SUPV3L1: variants seen among roughly 807,000 people sequenced by gnomAD.
SUPV3L1 encodes ATP-dependent RNA helicase SUPV3L1, mitochondrial.
A neutral mutation model predicts 70.0 loss-of-function variants in SUPV3L1; 35 were observed. The ratio of observed to expected loss-of-function variants is 0.50; its 90% confidence interval spans 0.38 to 0.66. The LOEUF is 0.66. Among genes scored for constraint, SUPV3L1 ranks in the 30% least tolerant of loss-of-function variants. SUPV3L1 has a pLI of 0.00. For missense variants in SUPV3L1, 777 were observed against 961.5 expected (o/e 0.81, Z 2.54); for synonymous variants, 364 against 341.9 (o/e 1.06, Z -0.71).
chr10:69,191,695 C>G lies in SUPV3L1; in HGVS notation c.782C>G (p.Thr261Arg), dbSNP rs766447332. 1 of 1,614,056 alleles carries G rather than the reference C, an allele frequency of 6.2e-7. No homozygotes were observed. Among genetic ancestry groups the G allele is most frequent in the Non-Finnish European group, 8.5e-7 (1 of 1,180,012 alleles). ...TTGGTGACAGGTGAAGAGCGTGTGACAGTTCAGCCAAATGGGAAACAGGCT... is the reference window on the plus strand; with the variant it reads ...TTGGTGACAGGTGAAGAGCGTGTGAGAGTTCAGCCAAATGGGAAACAGGCT... ...CDLVTGEERV[T>R]VQPNGKQASH... The change falls in exon 6 of 15, where the codon ACA becomes AGA. Residue 261 changes from threonine (T) to arginine (R), a missense_variant. Thr to Arg is a moderately conservative substitution (Grantham distance 71). Around this residue, in one of 2 missense-constraint regions of SUPV3L1, gnomAD observed 619 missense variants for 823.3 expected, o/e 0.75. Transcript: ENST00000359655.
intron 5 of SUPV3L1, 51 bp from the exon 6 acceptor site, chr10:69,191,604 C>T (rs899203414): frequency 5.3e-6 from 8 of 1,498,866 alleles, no homozygotes; most frequent in African/African-American, 4.1e-5. Flanking sequence ...ATATCCAAAA[C>T]GTATTTTTGC....
intron 3 of SUPV3L1, 95 bp downstream of exon 3, chr10:69,186,645 T>C (rs1402570260): frequency 1.4e-5 from 15 of 1,046,052 alleles, no homozygotes. Flanking sequence ...TTATTTGGTT[T>C]AGAGTGGGTC....
intron 6 of SUPV3L1, chr10:69,192,751 G>A (rs1269646328): frequency 2.0e-5 from 3 of 152,244 alleles, no homozygotes; most frequent in Non-Finnish European, 2.9e-5. Context: ...TGTCACCCAG[G>A]CTGAAGTGCA....
At chr10:69,182,427 C>G (rs544558918) in intron 1 of SUPV3L1, 1 of 759,984 alleles carries the variant, frequency 1.3e-6, no homozygotes, top group East Asian at 1.3e-4. Context: ...AACAATTTTC[C>G]ATTATTTTAT....
At chr10:69,190,492 T>G (rs1261864996) in intron 5 of SUPV3L1, among the ~76,000 whole-genome samples, 2 of 152,218 alleles carry the variant, frequency 1.3e-5, no homozygotes, top group Non-Finnish European at 2.9e-5. Flanking sequence ...CTGTAAATAC[T>G]TGAGAATATG....
At chr10:69,200,217 A>C (rs926319830) in intron 10 of SUPV3L1, 63 bp from the exon 11 acceptor site, 3 of 1,379,764 alleles carry the variant, frequency 2.2e-6, no homozygotes, top group Non-Finnish European at 3.0e-6. Context: ...AGCATTATGC[A>C]ATGACCCAAG....
intron 11 of SUPV3L1, among the ~76,000 whole-genome samples, chr10:69,200,719 T>C (rs1339238270): frequency 6.6e-6 from 1 of 152,190 alleles, no homozygotes; most frequent in Non-Finnish European, 1.5e-5. Context: ...AAGGTCCAGA[T>C]TGACAAAGTT....
chr10:69,208,610 A>T lies in SUPV3L1; in HGVS notation c.1936A>T (p.Met646Leu), dbSNP rs758757942. 3.7e-6 allele frequency: 6 copies of T among 1,611,462 alleles called. No individual in the cohort carries two copies. The East Asian group carries it at 1.3e-4, about 36-fold the overall frequency. Reference protein sequence around the residue: ...DLYLWLSYRFMDMFPDASLIR... With the variant: ...DLYLWLSYRFLDMFPDASLIR... ...GTGTCTTTTTCCCAGCTACCGATTT[A>T]TGGATATGTTTCCAGATGCCAGCCT... Residue 646 changes from methionine to leucine, a missense_variant, in exon 15 of 15, where the codon ATG (methionine) becomes TTG (leucine). Physicochemically the swap from Met to Leu is conservative, Grantham distance 15 (BLOSUM62 2). This residue lies in a region of SUPV3L1 where 619 missense variants were observed against 823.3 expected (regional missense o/e 0.75). Transcript: ENST00000359655.
At chr10:69,205,277 C>T (rs959694478) in intron 13 of SUPV3L1, among the ~76,000 whole-genome samples, 2 of 152,228 alleles carry the variant, frequency 1.3e-5, no homozygotes, top group East Asian at 1.9e-4. Flanking sequence ...AACTCAGTCC[C>T]ATGGCCTTGG....
chr10:69,197,808 A>G (rs527494399), intron 8 of SUPV3L1, among the ~76,000 whole-genome samples: 24 of 152,320 alleles, frequency 1.6e-4, no homozygotes, highest in African/African-American at 4.1e-4. Context: ...TGCTCAAGCA[A>G]TTCTCCCACC....
intron 11 of SUPV3L1, among the ~76,000 whole-genome samples, chr10:69,201,523 C>G (rs1024625258): frequency 4.7e-5 from 7 of 148,166 alleles, no homozygotes; most frequent in African/African-American, 1.7e-4. Flanking sequence ...CCCTGGAAAA[C>G]AGGTTTTTCT....
Position 69,209,006 on chromosome 10 carries a change from A to G in SUPV3L1, c.2332A>G (p.Arg778Gly). 1 of 1,569,628 alleles carries G rather than the reference A, an allele frequency of 6.4e-7. No homozygotes were observed. Among genetic ancestry groups the G allele is most frequent in the Non-Finnish European group, 8.6e-7 (1 of 1,159,310 alleles). ...ESGTHPKGTR[R>G]KKKEPDSD ...TGGGACTCATCCAAAAGGGACGAGA[A>G]GAAAGAAGAAGGAACCTGATTCGGA... Residue 778 changes from arginine to glycine, a missense_variant, in exon 15 of 15, where the codon AGA becomes GGA. Physicochemically the swap from Arg to Gly is moderately radical, Grantham distance 125. Transcript: ENST00000359655.
chr10:69,194,369 T>G (rs1385934285), intron 6 of SUPV3L1, among the ~76,000 whole-genome samples: 1 of 151,888 alleles, frequency 6.6e-6, no homozygotes, highest in Non-Finnish European at 1.5e-5. Context: ...TTTTTTTTTT[T>G]GAGCTGGAGT....
chr10:69,195,351 TAG>T (rs1382370623), intron 7 of SUPV3L1, 86 bp downstream of exon 7: 6 of 928,532 alleles, frequency 6.5e-6, no homozygotes, highest in African/African-American at 5.0e-5. Context: ...GCCAACCAAA[TAG>T]AGTCACCTAG....
At chr10:69,184,188 C>T (rs1369240618) in intron 1 of SUPV3L1, among the ~76,000 whole-genome samples, 1 of 151,940 alleles carries the variant, frequency 6.6e-6, no homozygotes, top group Non-Finnish European at 1.5e-5. Context: ...ATGGCATGTG[C>T]CTTTTTCCAA....
At chr10:69,203,133 C>A in intron 13 of SUPV3L1, 90 bp downstream of exon 13, 1 of 1,347,528 alleles carries the variant, frequency 7.4e-7, no homozygotes, top group Non-Finnish European at 1.0e-6. Flanking sequence ...AAAATAATTA[C>A]AAGAGTATTC....
chr10:69,198,116 A>G (rs1842589155), intron 8 of SUPV3L1, among the ~76,000 whole-genome samples: 1 of 152,238 alleles, frequency 6.6e-6, no homozygotes, highest in African/African-American at 2.4e-5. Context: ...TTGCCGTGAA[A>G]ATGAAATATA....
At chr10:69,187,261 A>G (rs1842255285) in intron 3 of SUPV3L1, among the ~76,000 whole-genome samples, 1 of 152,028 alleles carries the variant, frequency 6.6e-6, no homozygotes, top group Admixed American at 6.6e-5. Context: ...TTAAAAGGAA[A>G]AAGTAAGACA....
chr10:69,202,492 C>T lies in SUPV3L1; in HGVS notation c.1572C>T (p.Leu524=), dbSNP rs1203183424. ...AEQIEMFAYH[L]PDATLSNLID... is the part of the protein sequence containing the mutation. ...AGATTGAAATGTTTGCCTACCATCT[C>T]CCTGATGCAACACTGTCCAATCTCA... The change falls in exon 12 of 15, where the codon CTC becomes CTT. Residue 524 remains leucine (L), a synonymous_variant. Coordinates refer to ENST00000359655, the MANE Select transcript of SUPV3L1 (RefSeq NM_003171.5). 1.2e-6 allele frequency: 2 copies of T among 1,613,498 alleles called. No individual in the cohort carries two copies. Among genetic ancestry groups the T allele is most frequent in the Non-Finnish European group, 1.7e-6 (2 of 1,179,712 alleles).
Sources: allele counts gnomAD v4.1 joint callset (sites outside exome capture counted in the v4.1 genomes callset), GRCh38; gene constraint gnomAD v4.1.1; regional missense constraint gnomAD v4.1.1; transcripts MANE v1.5; gene names NCBI Gene and HGNC (gene_info 2026-07-23, HGNC 2026-07-21).